Variants in NCAM2 observed in about 807,000 individuals in gnomAD.
NCAM2 encodes the protein N-CAM-2.
NCAM2 carries 30 observed loss-of-function variants against 98.1 expected under a neutral mutation model. The ratio of observed to expected loss-of-function variants is 0.31; its 90% CI spans 0.23 to 0.41. The LOEUF is 0.41. NCAM2 is among the 10% of genes least tolerant of loss of function. The pLI, the probability that NCAM2 is intolerant of heterozygous loss-of-function variation, is 1.00. For missense variants in NCAM2, 867 were observed against 1,005.8 expected (o/e 0.86, Z 1.87); for synonymous variants, 368 against 342.4 (o/e 1.07, Z -0.83).
chr21:21,004,213 C>T (rs1006472440), intron 1 of NCAM2, among the ~76,000 whole-genome samples: 3 of 152,044 alleles, frequency 2.0e-5, no homozygotes, highest in African/African-American at 7.2e-5. Context: ...AATTCTGTGC[C>T]ATTTTGTCAG....
chr21:21,050,292 A>T (rs2065081841), intron 1 of NCAM2, among the ~76,000 whole-genome samples: 1 of 152,208 alleles, frequency 6.6e-6, no homozygotes, highest in African/African-American at 2.4e-5. Context: ...TTTAGAACCC[A>T]TGTAGTTCAA....
chr21:21,068,064 T>G (rs2065476989), intron 1 of NCAM2, among the ~76,000 whole-genome samples: 1 of 152,132 alleles, frequency 6.6e-6, no homozygotes. Flanking sequence ...TCATTTAACT[T>G]TTTGTGAAAG....
intron 1 of NCAM2, among the ~76,000 whole-genome samples, chr21:21,116,160 C>T (rs1266405682): frequency 2.0e-5 from 3 of 151,776 alleles, no homozygotes; most frequent in Admixed American, 1.3e-4. Context: ...GTTTAGGATC[C>T]ATTTATTATT....
intron 8 of NCAM2, among the ~76,000 whole-genome samples, chr21:21,350,980 G>C (rs534736298): frequency 2.7e-4 from 41 of 150,342 alleles, no homozygotes; most frequent in African/African-American, 9.7e-4. Context: ...AGCCAGGCGT[G>C]GTGGCGGGTG....
At chr21:21,324,871 C>G (rs1247714112) in intron 6 of NCAM2, among the ~76,000 whole-genome samples, 1 of 151,922 alleles carries the variant, frequency 6.6e-6, no homozygotes, top group Non-Finnish European at 1.5e-5. Context: ...TATACAATAT[C>G]ATATTTTATT....
At chr21:21,061,563 G>A (rs1047733777) in intron 1 of NCAM2, among the ~76,000 whole-genome samples, 1 of 152,110 alleles carries the variant, frequency 6.6e-6, no homozygotes, top group Non-Finnish European at 1.5e-5. Flanking sequence ...AATCTGTTCA[G>A]AGATGAGTTA....
At chr21:21,380,977 T>G (rs554254658) in intron 9 of NCAM2, among the ~76,000 whole-genome samples, 3 of 152,218 alleles carry the variant, frequency 2.0e-5, no homozygotes, top group Non-Finnish European at 2.9e-5. Flanking sequence ...AGCCCTCTTA[T>G]GCTTTTTGTT....
intron 8 of NCAM2, among the ~76,000 whole-genome samples, chr21:21,348,306 A>G (rs1227630162): frequency 1.3e-5 from 2 of 152,158 alleles, no homozygotes; most frequent in East Asian, 3.8e-4. Flanking sequence ...GCATTTTTAT[A>G]TGTCAGCAGT....
At chr21:21,047,372 C>A (rs906842276) in intron 1 of NCAM2, among the ~76,000 whole-genome samples, 6 of 152,112 alleles carry the variant, frequency 3.9e-5, no homozygotes, top group African/African-American at 1.4e-4. Context: ...TATTCATTAA[C>A]CAGGAGGTGG....
chr21:21,220,830 C>T (rs532538280), intron 1 of NCAM2, among the ~76,000 whole-genome samples: 2 of 152,282 alleles, frequency 1.3e-5, no homozygotes, highest in South Asian at 4.1e-4. Context: ...ACTTTGCTAT[C>T]CTGAGCTGAT....
In NCAM2 at chr21:21,427,336, A is replaced by C. The variant is rs553987840; in HGVS notation, c.1481-4772A>C. ...ATCTGATAAAGAAAAATTTTGGAGA[A>C]GACAAAAGGAAAAGACATGTCATTC... On this transcript the variant is annotated intron_variant, in intron 11 of 17. Coordinates refer to ENST00000400546, the MANE Select transcript of NCAM2 (RefSeq NM_004540.5). 1.6e-3 allele frequency among the ~76,000 whole-genome samples: 237 copies of C among 152,330 alleles called. 3 individuals are homozygous for C. The highest frequency in any genetic ancestry group is 4.2e-3 in the South Asian group (20 of 4,818).
intron 1 of NCAM2, among the ~76,000 whole-genome samples, chr21:21,216,184 A>T (rs2147107906): frequency 6.6e-6 from 1 of 152,260 alleles, no homozygotes; most frequent in East Asian, 1.9e-4. Context: ...CAACAGGAAA[A>T]TATCAGATAG....
intron 1 of NCAM2, among the ~76,000 whole-genome samples, chr21:21,051,244 G>A (rs2065102215): frequency 9.7e-6 from 1 of 103,472 alleles, no homozygotes; most frequent in Admixed American, 1.2e-4. Context: ...CATGCTTCAA[G>A]CTATGGAAGT....
At position 21,149,231 on chromosome 21, in the gene NCAM2, G is replaced by A. The variant is rs543252419; in HGVS notation, c.56-131347G>A. On this transcript the variant is annotated intron_variant, in intron 1 of 17. Transcript: ENST00000400546. ...TCCATATAAATTTAAAACCTTCTTG[G>A]CAATTTTCTCAAAAAAAGTCTGCAG... is the stretch of plus-strand genomic sequence containing the variant. Among the ~76,000 whole-genome samples the A allele has an allele frequency of 7.6e-4, 116 of 152,012 alleles. 1 individual carries two copies. The highest frequency in any genetic ancestry group is 1.2e-3 in the Non-Finnish European group (83 of 67,956).
In NCAM2 at chr21:21,262,999, A is replaced by G. The variant is rs116839563; in HGVS notation, c.56-17579A>G. Among the ~76,000 whole-genome samples the G allele has an allele frequency of 6.8e-3, 1,030 of 152,208 alleles. 21 individuals carry two copies. The highest frequency in any genetic ancestry group is 0.024 in the African/African-American group (989 of 41,532). ...AATTACCTCCCACCGGGTCACTCCC[A>G]CAACAACATGTGGGAATTCAATATG... On this transcript the variant is annotated intron_variant, in intron 1 of 17. Transcript: ENST00000400546.
At chr21:21,080,679 A>AAAAAAAAT (rs2065778914) in intron 1 of NCAM2, among the ~76,000 whole-genome samples, 1 of 95,850 alleles carries the variant, frequency 1.0e-5, no homozygotes, top group African/African-American at 4.9e-5. Context: ...AAAAAAAAAA[A>AAAAAAAAT]ACCAACATTG....
At chr21:21,062,077 A>G (rs2065334681) in intron 1 of NCAM2, among the ~76,000 whole-genome samples, 1 of 152,112 alleles carries the variant, frequency 6.6e-6, no homozygotes, top group Non-Finnish European at 1.5e-5. Flanking sequence ...TATTTCCTTA[A>G]TATTTAGAAG....
chr21:21,083,395 T>C (rs1028876356), intron 1 of NCAM2, among the ~76,000 whole-genome samples: 1 of 85,426 alleles, frequency 1.2e-5, no homozygotes, highest in African/African-American at 2.8e-5. Flanking sequence ...ACTTGGAATC[T>C]AGACCCAAGC....
intron 1 of NCAM2, among the ~76,000 whole-genome samples, chr21:21,275,695 G>A (rs1347826510): frequency 2.0e-5 from 3 of 152,030 alleles, no homozygotes; most frequent in African/African-American, 4.8e-5. Flanking sequence ...GATCACAGAT[G>A]TAACGTACCT....
Sources: allele counts gnomAD v4.1 joint callset (sites outside exome capture counted in the v4.1 genomes callset), GRCh38; gene constraint gnomAD v4.1.1; transcripts MANE v1.5; gene names NCBI Gene and HGNC (gene_info 2026-07-23, HGNC 2026-07-21).